STPG2: variants seen among roughly 807,000 people sequenced by gnomAD.
The protein encoded by STPG2 is sperm tail PG-rich repeat containing 2, also known as sperm-tail PG-rich repeat-containing protein 2.
STPG2 carries 56 observed loss-of-function variants against 54.2 expected under a neutral mutation model. The ratio of observed to expected loss-of-function variants is 1.03; its 90% CI spans 0.83 to 1.29. The LOEUF (loss-of-function observed/expected upper bound fraction) is 1.29, where lower values mean the gene tolerates loss of function less well. Among genes scored for constraint, STPG2 ranks in the 50% most tolerant of loss-of-function variants. STPG2 has a pLI of 0.00. For synonymous variants in STPG2, 200 were observed against 181.8 expected (o/e 1.10, Z -0.81); for missense variants, 596 against 544.9 (o/e 1.09, Z -0.93).
intron 10 of STPG2, among the ~76,000 whole-genome samples, chr4:97,590,340 T>G (rs1434158869): frequency 1.3e-5 from 2 of 151,984 alleles, no homozygotes. Context: ...CATCTGTGTC[T>G]CGGTCAGCAG....
intron 9 of STPG2, among the ~76,000 whole-genome samples, chr4:97,745,325 A>G (rs1725391408): frequency 6.6e-6 from 1 of 150,830 alleles, no homozygotes; most frequent in Admixed American, 6.6e-5. Flanking sequence ...ATTCAAATCA[A>G]TAAAAAGCAA....
At chr4:97,703,499 C>T (rs1218630190) in intron 10 of STPG2, among the ~76,000 whole-genome samples, 2 of 137,588 alleles carry the variant, frequency 1.5e-5, no homozygotes, top group Non-Finnish European at 3.1e-5. Context: ...ATAGTATATA[C>T]AGTATATAGT....
At chr4:97,876,960 A>C (rs1730194693) in intron 8 of STPG2, among the ~76,000 whole-genome samples, 1 of 152,068 alleles carries the variant, frequency 6.6e-6, no homozygotes, top group South Asian at 2.1e-4. Flanking sequence ...ATTTTTATTT[A>C]TTTTAGTTGA....
At chr4:97,741,654 C>T (rs189022403) in intron 9 of STPG2, among the ~76,000 whole-genome samples, 44 of 152,294 alleles carry the variant, frequency 2.9e-4, no homozygotes, top group African/African-American at 9.6e-4. Context: ...CAAATCAAAA[C>T]CGCAATGTGA....
At chr4:97,574,141 T>C (rs1732664122) in intron 10 of STPG2, among the ~76,000 whole-genome samples, 1 of 152,140 alleles carries the variant, frequency 6.6e-6, no homozygotes, top group Non-Finnish European at 1.5e-5. Context: ...TTCATGTGAC[T>C]GCAGTTGAGG....
At chr4:98,108,346 T>C (rs1739246252) in intron 4 of STPG2, among the ~76,000 whole-genome samples, 2 of 152,090 alleles carry the variant, frequency 1.3e-5, no homozygotes, top group African/African-American at 4.8e-5. Flanking sequence ...AAAAATTAAT[T>C]ATAAGAAAGG....
chr4:98,069,766 T>C (rs113504378), intron 5 of STPG2, among the ~76,000 whole-genome samples: 1,775 of 152,170 alleles, frequency 0.012, 37 homozygotes, highest in African/African-American at 0.041. Context: ...TTTATTCATG[T>C]TCTCAGATAG....
chr4:97,926,632 A>G (rs1732341111), intron 8 of STPG2, among the ~76,000 whole-genome samples: 1 of 152,188 alleles, frequency 6.6e-6, no homozygotes, highest in South Asian at 2.1e-4. Context: ...TTTCTGACAT[A>G]GAAATTCTAA....
At chr4:97,835,633 G>A (rs1266064940) in intron 9 of STPG2, among the ~76,000 whole-genome samples, 1 of 152,080 alleles carries the variant, frequency 6.6e-6, no homozygotes, top group Non-Finnish European at 1.5e-5. Flanking sequence ...CAACTTTCAA[G>A]TCTTAGTTTA....
At chr4:98,060,884 G>A (rs1578822337) in intron 5 of STPG2, among the ~76,000 whole-genome samples, 1 of 152,138 alleles carries the variant, frequency 6.6e-6, no homozygotes, top group South Asian at 2.1e-4. Flanking sequence ...ACTGCAACTG[G>A]ACCCCTTCCT....
intron 9 of STPG2, among the ~76,000 whole-genome samples, chr4:97,819,082 G>A (rs566331727): frequency 1.0e-3 from 158 of 151,158 alleles, no homozygotes; most frequent in African/African-American, 3.4e-3. Context: ...CTATCATTTC[G>A]AATAAAGATA....
intron 4 of STPG2, among the ~76,000 whole-genome samples, chr4:97,477,154 C>A (rs1730092260): frequency 6.6e-6 from 1 of 152,100 alleles, no homozygotes; most frequent in Non-Finnish European, 1.5e-5. Context: ...GTATGTAACC[C>A]CTCAGTAAAT....
At chr4:97,702,722 A>T (rs980873665) in intron 10 of STPG2, among the ~76,000 whole-genome samples, 1 of 152,138 alleles carries the variant, frequency 6.6e-6, no homozygotes, top group African/African-American at 2.4e-5. Flanking sequence ...AGAGTTTACA[A>T]GCTCAGTGTC....
intron 5 of STPG2, among the ~76,000 whole-genome samples, chr4:97,982,377 TACACACACACACAC>T (rs59489663): frequency 4.9e-5 from 7 of 143,538 alleles, no homozygotes; most frequent in Non-Finnish European, 9.1e-5. Flanking sequence ...TCTCTTACTC[TACACACACACACAC>T]ACACACACAC....
intron 10 of STPG2, among the ~76,000 whole-genome samples, chr4:97,703,163 T>C (rs1377844124): frequency 1.3e-5 from 2 of 151,998 alleles, no homozygotes; most frequent in South Asian, 2.1e-4. Context: ...GTCAAATGCA[T>C]TTATTTTGCA....
rs1475329910 is a variant in STPG2 at position 97,566,125 on chromosome 4, C to T, written c.1321-7008G>A. Among the ~76,000 whole-genome samples, 5 of 152,292 alleles carry T rather than the reference C, an allele frequency of 3.3e-5. No homozygotes were observed. In the East Asian group the frequency reaches 7.8e-4, roughly 24 times the overall value. On this transcript the variant is annotated intron_variant, in intron 10 of 10. Coordinates refer to ENST00000295268, the MANE Select transcript of STPG2 (RefSeq NM_174952.3). Reference sequence around the variant, plus strand: ...TTCCAGGCTGCTTTGTTTACCTAAGCAAGCCTGGGCAATGGCGGGTGCCTC... The same window carrying T: ...TTCCAGGCTGCTTTGTTTACCTAAGTAAGCCTGGGCAATGGCGGGTGCCTC...
At chr4:97,894,306 C>T (rs1730877813) in intron 8 of STPG2, among the ~76,000 whole-genome samples, 1 of 151,848 alleles carries the variant, frequency 6.6e-6, no homozygotes. Context: ...TAAATTCCTA[C>T]ATTAAAATAT....
At chr4:98,124,579 A>G (rs146092253) in intron 3 of STPG2, among the ~76,000 whole-genome samples, 1 of 152,024 alleles carries the variant, frequency 6.6e-6, no homozygotes, top group African/African-American at 2.4e-5. Flanking sequence ...TTTGTAGGTG[A>G]CTTGGCCTTT....
intron 8 of STPG2, among the ~76,000 whole-genome samples, chr4:97,902,657 G>A (rs1342470747): frequency 6.6e-6 from 1 of 152,092 alleles, no homozygotes; most frequent in East Asian, 1.9e-4. Flanking sequence ...CGGTGTAGCT[G>A]AGGATGTGTA....
Sources: gnomAD v4.1 joint callset for allele counts (sites outside exome capture counted in the v4.1 genomes callset) on GRCh38, gnomAD v4.1.1 for gene constraint, MANE v1.5 for transcripts, NCBI Gene and HGNC (gene_info 2026-07-23, HGNC 2026-07-21) for gene names.